MYO16: variants seen among roughly 807,000 people sequenced by gnomAD.
MYO16 encodes the protein myosin XVI.
MYO16 carries 94 observed loss-of-function variants against 205.3 expected under a neutral mutation model. The observed-to-expected ratio is 0.46, with a 90% CI of 0.39 to 0.54. MYO16 has a LOEUF of 0.54. Ranked by LOEUF, MYO16 falls within the 20% of genes least tolerant of loss-of-function variation. MYO16 has a pLI of 0.00. For missense variants in MYO16, 2,315 were observed against 2,387.5 expected (o/e 0.97, Z 0.63); for synonymous variants, 988 against 954.0 (o/e 1.04, Z -0.66).
the MYO16 span, among the ~76,000 whole-genome samples, chr13:108,504,710 A>AT: frequency 6.6e-6 from 1 of 151,518 alleles, no homozygotes; most frequent in Non-Finnish European, 1.5e-5. Flanking sequence ...TAATTTTTGT[A>AT]TTTTTAGTAG....
chr13:108,755,798 T>C (rs886483830), intron 4 of MYO16, among the ~76,000 whole-genome samples: 1 of 152,216 alleles, frequency 6.6e-6, no homozygotes, highest in African/African-American at 2.4e-5. Flanking sequence ...GTCAGTGCAC[T>C]CAGTAGAGAC....
At chr13:108,838,317 T>C (rs1202869030) in intron 9 of MYO16, among the ~76,000 whole-genome samples, 3 of 152,084 alleles carry the variant, frequency 2.0e-5, no homozygotes, top group Non-Finnish European at 4.4e-5. Flanking sequence ...AAATGTCATA[T>C]AATTAATATA....
intron 16 of MYO16, among the ~76,000 whole-genome samples, chr13:108,923,258 G>A (rs1881829026): frequency 6.6e-6 from 1 of 152,232 alleles, no homozygotes; most frequent in South Asian, 2.1e-4. Flanking sequence ...CAAGATGCGG[G>A]ATGACCTCAG....
At chr13:108,862,429 C>T (rs1469669039) in intron 11 of MYO16, among the ~76,000 whole-genome samples, 1 of 152,060 alleles carries the variant, frequency 6.6e-6, no homozygotes, top group Non-Finnish European at 1.5e-5. Context: ...TACCATATTA[C>T]CCATGTGGAA....
chr13:108,826,683 T>C (rs752873783), intron 9 of MYO16, among the ~76,000 whole-genome samples: 8 of 151,912 alleles, frequency 5.3e-5, no homozygotes, highest in Non-Finnish European at 1.2e-4. Context: ...AACTGAACAA[T>C]AAAAAGACAA....
intron 1 of MYO16, among the ~76,000 whole-genome samples, chr13:108,606,355 G>A (rs1363322620): frequency 6.6e-6 from 1 of 152,186 alleles, no homozygotes; most frequent in South Asian, 2.1e-4. Flanking sequence ...GGGAAAAATG[G>A]TTTTGTGTGT....
chr13:108,637,311 T>C (rs2139370137), intron 1 of MYO16, among the ~76,000 whole-genome samples: 1 of 152,312 alleles, frequency 6.6e-6, no homozygotes, highest in East Asian at 1.9e-4. Flanking sequence ...TTGGCATCTG[T>C]TGTTCTACTT....
Position 108,785,664 on chromosome 13 carries a change from G to C in MYO16, c.537G>C (p.Val179=). 6.2e-7 allele frequency: 1 copy of C among 1,612,660 alleles called. No homozygotes were observed. ...GAGCCAATGTCCTTCTCCAGGATGT[G>C]AATGGAAATATCCCATTAGATTATG... The part of the protein sequence containing the change: ...LAGANVLLQD[V]NGNIPLDYAV... The change falls in exon 5 of 35, where the codon GTG becomes GTC. Residue 179 remains valine (V), a synonymous_variant. Transcript: ENST00000457511.
At chr13:109,180,879 T>A (rs770805063) in intron 34 of MYO16, among the ~76,000 whole-genome samples, 4 of 152,206 alleles carry the variant, frequency 2.6e-5, no homozygotes, top group Non-Finnish European at 4.4e-5. Context: ...CAGGGGAACC[T>A]CCTGGTCATG....
intron 34 of MYO16, chr13:109,201,461 A>AT (rs1880387019): frequency 8.6e-6 from 1 of 116,406 alleles, no homozygotes; most frequent in East Asian, 2.5e-4. Flanking sequence ...TTACATTTCC[A>AT]TTTTTTCCAT....
chr13:109,171,444 T>G (rs952701134), intron 33 of MYO16, among the ~76,000 whole-genome samples: 2 of 152,254 alleles, frequency 1.3e-5, no homozygotes, highest in African/African-American at 2.4e-5. Context: ...CATTTCTCTT[T>G]TGAATGCCAG....
intron 1 of MYO16, among the ~76,000 whole-genome samples, chr13:108,603,995 AG>A (rs1878860485): frequency 6.6e-6 from 1 of 152,178 alleles, no homozygotes; most frequent in Non-Finnish European, 1.5e-5. Context: ...GGGAGGCCTC[AG>A]GAAATTTATA....
At chr13:109,084,236 G>A (rs968317698) in intron 27 of MYO16, among the ~76,000 whole-genome samples, 1 of 152,186 alleles carries the variant, frequency 6.6e-6, no homozygotes, top group Non-Finnish European at 1.5e-5. Flanking sequence ...GTAGGGTGCA[G>A]TAGCCTAGAG....
At chr13:108,950,478 A>G (rs1883101561) in intron 16 of MYO16, among the ~76,000 whole-genome samples, 1 of 152,204 alleles carries the variant, frequency 6.6e-6, no homozygotes, top group South Asian at 2.1e-4. Flanking sequence ...ACACACATTA[A>G]AACCCTGATA....
intron 6 of MYO16, among the ~76,000 whole-genome samples, chr13:108,805,265 A>T (rs909564066): frequency 6.6e-6 from 1 of 152,212 alleles, no homozygotes; most frequent in African/African-American, 2.4e-5. Flanking sequence ...TGTAGCAAGC[A>T]TGGGAAAATG....
At position 108,888,438 on chromosome 13, in the gene MYO16, T is replaced by G. The variant is rs770000938; in HGVS notation, c.1620T>G (p.Ala540=). ...TCATAAGACACCTCACCTGCAGGGC[T>G]GGCGCCAGCAGGGCCACACTGGATT... The part of the protein sequence containing the change: ...KQIIRHLTCR[A]GASRATLDSR... The change falls in exon 14 of 35, where the codon GCT becomes GCG. Residue 540 remains alanine (A), a synonymous_variant. Coordinates refer to ENST00000457511, the MANE Select transcript of MYO16 (RefSeq NM_001198950.3). 3 of 1,611,718 alleles carry G rather than the reference T, an allele frequency of 1.9e-6. No individual in the cohort carries two copies. The South Asian group carries it at 3.3e-5, about 18-fold the overall frequency.
intron 14 of MYO16, among the ~76,000 whole-genome samples, chr13:108,891,949 CTTTAAA>C (rs1488030814): frequency 2.0e-5 from 3 of 152,018 alleles, no homozygotes; most frequent in African/African-American, 4.8e-5. Flanking sequence ...TTGGCATGTT[CTTTAAA>C]TTTATAGTAT....
At position 109,140,709 on chromosome 13, in the gene MYO16, C is replaced by T. The variant is rs763691418; in HGVS notation, c.4497C>T (p.Asp1499=). 46 of 1,489,704 alleles carry T rather than the reference C, an allele frequency of 3.1e-5. No homozygotes were observed. Among genetic ancestry groups the T allele is most frequent in the Non-Finnish European group, 4.0e-5 (45 of 1,121,732 alleles). 92.3% of individuals were successfully genotyped at this position (1,489,704 alleles called of 1,614,324 possible). ...CGGGGCCCCCAGGGGACGCGTGCGA[C>T]ATCCCGCCGCCCTTCCCCAACCTGC... ...EAAGPPGDAC[D]IPPPFPNLLP... is the part of the protein sequence containing the mutation. The change falls in exon 32 of 35, where the codon GAC becomes GAT. Residue 1499 remains aspartate (D), a synonymous_variant. Transcript: ENST00000457511. This position sits in a 1 kb window ranked among gnomAD's most constrained non-coding sequence, Gnocchi z 8.0.
At chr13:109,009,109 CA>C (rs1316632352) in intron 22 of MYO16, 60 bp downstream of exon 22, 1 of 1,356,852 alleles carries the variant, frequency 7.4e-7, no homozygotes, top group African/African-American at 1.5e-5. Context: ...ATACTGGAGA[CA>C]AAGAATTTTC....
Sources: gnomAD v4.1 joint callset for allele counts (sites outside exome capture counted in the v4.1 genomes callset) on GRCh38, gnomAD v4.1.1 for gene constraint, Gnocchi (gnomAD v3.1) non-coding constraint, MANE v1.5 for transcripts, NCBI Gene and HGNC (gene_info 2026-07-23, HGNC 2026-07-21) for gene names.